Variants in AP1M1 observed in about 807,000 individuals in gnomAD.
AP1M1 encodes the protein adaptor related protein complex 1 subunit mu 1.
A neutral mutation model predicts 57.1 loss-of-function variants in AP1M1; 18 were observed. The ratio of observed to expected loss-of-function variants is 0.32; its 90% CI spans 0.22 to 0.47. AP1M1 has a LOEUF of 0.47. Among genes scored for constraint, AP1M1 ranks in the 20% least tolerant of loss-of-function variants. The pLI is 1.00. For missense variants in AP1M1, 362 were observed against 593.5 expected (o/e 0.61, Z 4.05); for synonymous variants, 241 against 237.9 (o/e 1.01, Z -0.12).
rs994709034 is a variant in AP1M1 at position 16,209,376 on chromosome 19, G to A, written c.546+199G>A. On this transcript the variant is annotated intron_variant, in intron 5 of 11. Coordinates refer to ENST00000291439, the MANE Select transcript of AP1M1 (RefSeq NM_032493.4). ...GACGGAATCTCATTCTGTCGCCCAG[G>A]CTAGAGTGTGGTGACACGATCTCGG... 5.5e-6 allele frequency: 3 copies of A among 543,936 alleles called. No homozygotes were observed. The African/African-American group carries it at 5.8e-5, about 10-fold the overall frequency. The allele number at this position is 543,936 out of a possible 1,614,324, so 33.7% of individuals were successfully genotyped here. A position where few individuals can be genotyped will look rare whatever the true frequency, so the allele number is the denominator to read the frequency against.
Position 16,206,430 on chromosome 19 carries a change from C to T in AP1M1, c.267+22C>T, listed in dbSNP as rs369179822. 22 of 1,613,200 alleles carry T rather than the reference C, an allele frequency of 1.4e-5. No individual in the cohort carries two copies. Among genetic ancestry groups the T allele is most frequent in the Admixed American group, 5.0e-5 (3 of 59,962 alleles). ...GCAGGTGAGTCTCGCTCGGAGGGGC[C>T]GTGGGCTTGGGTGGAGGTTGTCTTG... On this transcript the variant is annotated intron_variant, in intron 3 of 11. Transcript: ENST00000291439. The surrounding 1 kb of genome is among the most constrained non-coding windows in gnomAD (Gnocchi z 4.3).
At chr19:16,229,049 C>G in intron 9 of AP1M1, 121 bp downstream of exon 9, 17 of 1,216,508 alleles carry the variant, frequency 1.4e-5, no homozygotes, top group Non-Finnish European at 2.0e-5. Context: ...TCTTCCACAC[C>G]TGGGGCTTCT....
At position 16,206,489 on chromosome 19, in the gene AP1M1, C is replaced by G; in HGVS notation, c.267+81C>G. On this transcript the variant is annotated intron_variant, in intron 3 of 11. Transcript: ENST00000291439. The surrounding 1 kb of genome is among the most constrained non-coding windows in gnomAD (Gnocchi z 4.3). Reference sequence around the variant, plus strand: ...TGTGGACCTCCCCATACCTGGCCACCCTACAGAGAGCTGTGGCATCCCCAG... The same window carrying G: ...TGTGGACCTCCCCATACCTGGCCACGCTACAGAGAGCTGTGGCATCCCCAG... 1.4e-6 allele frequency: 2 copies of G among 1,458,856 alleles called. No individual in the cohort carries two copies. The highest frequency in any genetic ancestry group is 1.9e-6 in the Non-Finnish European group (2 of 1,043,586). The allele number at this position is 1,458,856 out of a possible 1,614,324, so 90.4% of individuals were successfully genotyped here.
intron 9 of AP1M1, 107 bp from the exon 10 acceptor site, chr19:16,233,386 T>C: frequency 7.1e-7 from 1 of 1,402,064 alleles, no homozygotes. Flanking sequence ...CTCCCCTCCC[T>C]GGACTGGGGT....
intron 10 of AP1M1, 134 bp from the exon 11 acceptor site, chr19:16,234,065 C>G: frequency 1.2e-6 from 1 of 816,742 alleles, no homozygotes. Context: ...TCCCTTTCAC[C>G]CCCCTGAGGC....
chr19:16,218,714 T>C (rs553236035), intron 5 of AP1M1, among the ~76,000 whole-genome samples: 1 of 152,330 alleles, frequency 6.6e-6, no homozygotes, highest in South Asian at 2.1e-4. Flanking sequence ...AGGCAGTCTT[T>C]AAACAGCTTC....
intron 2 of AP1M1, among the ~76,000 whole-genome samples, chr19:16,205,773 C>T (rs763161396): frequency 3.3e-5 from 5 of 152,230 alleles, no homozygotes; most frequent in African/African-American, 4.8e-5. Flanking sequence ...GACATCTCAC[C>T]TACATTGCCT....
Position 16,239,710 on chromosome 19 carries a change from G to A in AP1M1, c.*5275G>A, listed in dbSNP as rs1168126286. ...TGGGGCAGGAGATTCGCTTGAACCCGGGAGATGGCGCTCGCAGTGAGTCAA... is the reference window on the plus strand; with the variant it reads ...TGGGGCAGGAGATTCGCTTGAACCCAGGAGATGGCGCTCGCAGTGAGTCAA... On this transcript the variant is annotated 3_prime_UTR_variant, in exon 12 of 12. Transcript: ENST00000291439. The A allele has an allele frequency of 2.6e-5, 4 of 152,108 alleles. No homozygotes were observed. Among genetic ancestry groups the A allele is most frequent in the South Asian group, 2.1e-4 (1 of 4,818 alleles). 9.4% of individuals were successfully genotyped at this position (152,108 alleles called of 1,614,324 possible).
intron 5 of AP1M1, among the ~76,000 whole-genome samples, chr19:16,215,917 T>C (rs1460433382): frequency 6.6e-6 from 1 of 152,168 alleles, no homozygotes; most frequent in East Asian, 1.9e-4. Context: ...AGAAAGCCAG[T>C]CTTCAAGCTC....
In AP1M1 at chr19:16,242,603, C is replaced by T. The variant is rs2091649338; in HGVS notation, c.*8168C>T. The T allele has an allele frequency of 6.6e-6, 1 of 152,042 alleles. No individual in the cohort carries two copies. Among genetic ancestry groups the T allele is most frequent in the Non-Finnish European group, 1.5e-5 (1 of 68,016 alleles). 9.4% of individuals were successfully genotyped at this position (152,042 alleles called of 1,614,324 possible). On this transcript the variant is annotated 3_prime_UTR_variant, in exon 12 of 12. Coordinates refer to ENST00000291439, the MANE Select transcript of AP1M1 (RefSeq NM_032493.4). ...ATACATCTAAAATGTAAGTACACAA[C>T]ACAATTGAAAGTAAAAAAACATTAA... is the stretch of plus-strand genomic sequence containing the variant.
At chr19:16,230,312 C>T (rs976042691) in intron 9 of AP1M1, among the ~76,000 whole-genome samples, 2 of 152,128 alleles carry the variant, frequency 1.3e-5, no homozygotes, top group South Asian at 4.1e-4. Context: ...TCTGTGTTGT[C>T]ACTTTTTAGC....
intron 5 of AP1M1, chr19:16,210,531 G>A (rs1248152155): frequency 1.6e-6 from 1 of 617,924 alleles, no homozygotes; most frequent in Non-Finnish European, 3.0e-6. Flanking sequence ...TAGGTATGTA[G>A]TAGTATGTCA....
intron 9 of AP1M1, among the ~76,000 whole-genome samples, chr19:16,231,469 C>CGATCTCGGCTTACTGCAGAGGCAT (rs2091597676): frequency 6.6e-6 from 1 of 151,694 alleles, no homozygotes; most frequent in African/African-American, 2.4e-5. Context: ...TGCAGAGGCA[C>CGATCTCGGCTTACTGCAGAGGCAT]GATCTCGGCT....
chr19:16,211,314 G>A (rs534656219), intron 5 of AP1M1, among the ~76,000 whole-genome samples: 3 of 152,102 alleles, frequency 2.0e-5, no homozygotes, highest in South Asian at 2.1e-4. Flanking sequence ...GGGTGGTATC[G>A]AACTCCTGAC....
At chr19:16,209,437 TCTC>T (rs1165215362) in intron 5 of AP1M1, among the ~76,000 whole-genome samples, 1 of 152,138 alleles carries the variant, frequency 6.6e-6, no homozygotes, top group Non-Finnish European at 1.5e-5. Flanking sequence ...TTCAGGCGAT[TCTC>T]CTGCCTCAGC....
intron 5 of AP1M1, among the ~76,000 whole-genome samples, chr19:16,219,097 G>C (rs970965676): frequency 6.7e-6 from 1 of 148,754 alleles, no homozygotes; most frequent in African/African-American, 2.5e-5. Flanking sequence ...CGTGGGTGTT[G>C]TATTTTCTTC....
rs2091576848 is a variant in AP1M1, at chr19:16,227,626, G to A, written c.752G>A (p.Arg251His). The change falls in exon 7 of 12, where the codon CGC becomes CAC. Residue 251 changes from arginine (R) to histidine (H), a missense_variant. Transcript: ENST00000291439. This position sits in a 1 kb window ranked among gnomAD's most constrained non-coding sequence, Gnocchi z 6.2. ...CVRLSRFEND[R>H]TISFIPPDGE... The stretch of plus-strand genomic sequence containing the variant: ...CGGCTATCACGCTTCGAGAATGACC[G>A]CACCATCTCCTTCATCCCACCCGAC... 1 of 1,614,010 alleles carries A rather than the reference G, an allele frequency of 6.2e-7. No homozygotes were observed.
At chr19:16,234,022 T>C in intron 10 of AP1M1, 177 bp from the exon 11 acceptor site, 1 of 634,670 alleles carries the variant, frequency 1.6e-6, no homozygotes, top group Non-Finnish European at 2.6e-6. Flanking sequence ...GAGGCGGCTC[T>C]GCCCTCCCAC....
chr19:16,201,141 C>T (rs1568346704), intron 1 of AP1M1, among the ~76,000 whole-genome samples: 1 of 152,164 alleles, frequency 6.6e-6, no homozygotes, highest in Non-Finnish European at 1.5e-5. Context: ...ATCCTCGCCT[C>T]CTTTGTCTCC....
Sources: gnomAD v4.1 joint callset for allele counts (sites outside exome capture counted in the v4.1 genomes callset) on GRCh38, gnomAD v4.1.1 for gene constraint, Gnocchi (gnomAD v3.1) non-coding constraint, MANE v1.5 for transcripts, NCBI Gene and HGNC (gene_info 2026-07-23, HGNC 2026-07-21) for gene names.